The following PPFIBP1 variants were observed in gnomAD, a reference collection of about 807,000 sequenced individuals.
PPFIBP1 encodes the protein PPFIB scaffold protein 1.
A neutral mutation model predicts 137.8 loss-of-function variants in PPFIBP1; 112 were observed. That is an observed-to-expected ratio of 0.81 (90% CI 0.70 to 0.95). The LOEUF (loss-of-function observed/expected upper bound fraction) is 0.95. Among genes scored for constraint, PPFIBP1 ranks in the 40% least tolerant of loss-of-function variants. The pLI is 0.00. For synonymous variants in PPFIBP1, 378 were observed against 417.3 expected, an observed-to-expected ratio of 0.91 and a Z score of 1.15; for missense variants, 1,083 against 1,196.6, an observed-to-expected ratio of 0.91 and a Z score of 1.40.
chr12:27,527,525 G>A (rs1023714564), intron 1 of PPFIBP1, among the ~76,000 whole-genome samples: 1 of 152,142 alleles, frequency 6.6e-6, no homozygotes, highest in Non-Finnish European at 1.5e-5. Context: ...TTACATGAGT[G>A]AGCCCTGGGT....
At chr12:27,583,165 TG>T (rs2051316003) in intron 2 of PPFIBP1, among the ~76,000 whole-genome samples, 1 of 152,250 alleles carries the variant, frequency 6.6e-6, no homozygotes, top group South Asian at 2.1e-4. Flanking sequence ...CTCCTTGCTT[TG>T]GCCTCTCAAC....
rs951981148 is a variant in PPFIBP1, at chr12:27,691,898, T to G, written c.2835T>G (p.Tyr945Ter). Residue 945 changes from tyrosine (Y) to a stop codon, truncating the protein, a stop_gained, in exon 28 of 30, where the codon TAT (tyrosine) becomes TAG (stop). Transcript: ENST00000228425. LOFTEE classifies it high-confidence loss of function. ...GFKPGLDMRL[Y>*]EEDDLDRLEQ... ...AACCTGGTTTGGATATGCGCCTGTA[T>G]GAGGAAGATGATTTGGACCGGTTAG... 26 of 1,612,902 alleles carry G rather than the reference T, an allele frequency of 1.6e-5. No homozygotes were observed. Among genetic ancestry groups the G allele is most frequent in the Non-Finnish European group, 1.9e-5 (22 of 1,179,670 alleles).
chr12:27,661,019 A>G, intron 11 of PPFIBP1, 74 bp downstream of exon 11: 1 of 1,575,278 alleles, frequency 6.3e-7, no homozygotes, highest in Non-Finnish European at 8.6e-7. Context: ...CAATTTCATG[A>G]GCTATGCCAT....
intron 2 of PPFIBP1, among the ~76,000 whole-genome samples, chr12:27,627,424 C>G (rs2056910913): frequency 6.6e-6 from 1 of 152,182 alleles, no homozygotes; most frequent in African/African-American, 2.4e-5. Context: ...TGAACATTCT[C>G]CCTTTCTCTG....
intron 1 of PPFIBP1, among the ~76,000 whole-genome samples, chr12:27,526,175 CT>C (rs555957828): frequency 7.6e-4 from 115 of 152,296 alleles, no homozygotes; most frequent in African/African-American, 2.6e-3. Flanking sequence ...AGTGTTCCAA[CT>C]GCATTTGTAA....
chr12:27,591,353 G>A (rs540308521), intron 2 of PPFIBP1, among the ~76,000 whole-genome samples: 1 of 152,242 alleles, frequency 6.6e-6, no homozygotes, highest in South Asian at 2.1e-4. Flanking sequence ...GGGAAGGTGA[G>A]AGTCAGGACA....
At chr12:27,582,581 A>G (rs2051247398) in intron 2 of PPFIBP1, among the ~76,000 whole-genome samples, 3 of 152,164 alleles carry the variant, frequency 2.0e-5, no homozygotes. Context: ...CAAAGAAATG[A>G]GATTGGGTTC....
intron 19 of PPFIBP1, 72 bp from the exon 20 acceptor site, chr12:27,679,417 G>T (rs532437940): frequency 7.0e-7 from 1 of 1,434,150 alleles, no homozygotes; most frequent in South Asian, 1.3e-5. Context: ...AACAGTTCTA[G>T]AACCAAGAAG....
In PPFIBP1 at chr12:27,692,064, G is replaced by C. The variant is rs928346838; in HGVS notation, c.2865+136G>C. Reference sequence around the variant, plus strand: ...TACAGATAATAATAGTGAACACTTAGAGATCACTTATATCTTCCAGGTACC... The same window carrying C: ...TACAGATAATAATAGTGAACACTTACAGATCACTTATATCTTCCAGGTACC... On this transcript the variant is annotated intron_variant, in intron 28 of 29. Coordinates refer to ENST00000228425, the MANE Select transcript of PPFIBP1 (RefSeq NM_003622.4). 9.7e-6 allele frequency: 7 copies of C among 724,864 alleles called. No individual in the cohort carries two copies. In the African/African-American group the frequency reaches 1.3e-4, roughly 13 times the overall value. 44.9% of individuals were successfully genotyped at this position (724,864 alleles called of 1,614,324 possible). A position where few individuals can be genotyped will look rare whatever the true frequency, so the allele number is the denominator to read the frequency against.
At chr12:27,531,373 A>T (rs752947086) in intron 1 of PPFIBP1, among the ~76,000 whole-genome samples, 3 of 151,858 alleles carry the variant, frequency 2.0e-5, no homozygotes, top group Admixed American at 6.6e-5. Context: ...GCTCACTGCA[A>T]CCTCCACCTC....
chr12:27,620,344 C>A (rs900637849), intron 2 of PPFIBP1, among the ~76,000 whole-genome samples: 1 of 152,164 alleles, frequency 6.6e-6, no homozygotes, highest in Non-Finnish European at 1.5e-5. Flanking sequence ...TCCCTACTAA[C>A]CCTCTGGCTC....
intron 4 of PPFIBP1, among the ~76,000 whole-genome samples, chr12:27,638,567 C>T (rs2057861164): frequency 6.6e-6 from 1 of 152,184 alleles, no homozygotes; most frequent in Admixed American, 6.5e-5. Context: ...TGTGAACTAA[C>T]ATATGCTGAG....
chr12:27,632,680 C>A (rs1281170480), intron 2 of PPFIBP1, among the ~76,000 whole-genome samples: 1 of 152,012 alleles, frequency 6.6e-6, no homozygotes, highest in African/African-American at 2.4e-5. Flanking sequence ...TGTTTCCATG[C>A]AAAAATCAAA....
In PPFIBP1 at chr12:27,570,745, C is replaced by T. The variant is rs536855389; in HGVS notation, c.-123-7407C>T. Among the ~76,000 whole-genome samples, 188 of 151,334 alleles carry T rather than the reference C, an allele frequency of 1.2e-3. 2 individuals carry two copies. Among genetic ancestry groups the T allele is most frequent in the African/African-American group, 4.1e-3 (168 of 40,986 alleles). Reference sequence around the variant, plus strand: ...CTAACACAGTGAAACCCTGTCTCTACGAAAAATACAAAAAAAAATTAGCCG... The same window carrying T: ...CTAACACAGTGAAACCCTGTCTCTATGAAAAATACAAAAAAAAATTAGCCG... On this transcript the variant is annotated intron_variant, in intron 1 of 29. Transcript: ENST00000228425.
chr12:27,619,325 T>C (rs1463043812), intron 2 of PPFIBP1, among the ~76,000 whole-genome samples: 1 of 152,190 alleles, frequency 6.6e-6, no homozygotes, highest in African/African-American at 2.4e-5. Context: ...GGTAAATCTT[T>C]GTTGTGTTGT....
At chr12:27,629,977 T>G (rs1164777964) in intron 2 of PPFIBP1, among the ~76,000 whole-genome samples, 1 of 152,190 alleles carries the variant, frequency 6.6e-6, no homozygotes, top group African/African-American at 2.4e-5. Flanking sequence ...CTTATCCTGG[T>G]GAATATAACT....
intron 2 of PPFIBP1, chr12:27,593,313 T>G (rs1024041130): frequency 2.7e-6 from 1 of 375,666 alleles, no homozygotes; most frequent in African/African-American, 2.1e-5. Context: ...TTCGGGCCCC[T>G]TGGGACCTGC....
intron 2 of PPFIBP1, among the ~76,000 whole-genome samples, chr12:27,617,552 T>C (rs2055893990): frequency 6.6e-6 from 1 of 152,220 alleles, no homozygotes; most frequent in African/African-American, 2.4e-5. Context: ...CAAAAATCCA[T>C]AGCGGCTCAA....
intron 1 of PPFIBP1, among the ~76,000 whole-genome samples, chr12:27,560,149 T>C (rs1393028864): frequency 3.3e-5 from 5 of 152,248 alleles, no homozygotes; most frequent in Admixed American, 6.5e-5. Flanking sequence ...TTTTCGTCTT[T>C]GAAATGCCAA....
Sources: allele counts gnomAD v4.1 joint callset (sites outside exome capture counted in the v4.1 genomes callset), GRCh38; gene constraint gnomAD v4.1.1; transcripts MANE v1.5; gene names NCBI Gene and HGNC (gene_info 2026-07-23, HGNC 2026-07-21).